Variants in SRSF6 observed in about 807,000 individuals in gnomAD.
SRSF6 encodes serine and arginine rich splicing factor 6, also known as serine/arginine-rich splicing factor 6.
Under a neutral mutation model 42.0 loss-of-function variants are expected in SRSF6, and 17 were observed. The ratio of observed to expected loss-of-function variants is 0.40; its 90% CI spans 0.28 to 0.61. The LOEUF is 0.61. SRSF6 is among the 20% of genes least tolerant of loss of function. The probability of loss-of-function intolerance (pLI) is 0.37; values close to 1 mark genes in which losing one functional copy is unlikely to be tolerated. For missense variants in SRSF6, 379 were observed against 471.4 expected, an observed-to-expected ratio of 0.80 and a Z score of 1.81; for synonymous variants, 204 against 166.7, an observed-to-expected ratio of 1.22 and a Z score of -1.72.
chr20:43,463,375 C>T lies in SRSF6; in HGVS notation c.*2312C>T, dbSNP rs1188348835. ...AGAAGAATGAGTTGATGACATGCTCCATACCAGTGGCTAGATGGAGTATTA... is the reference window on the plus strand; with the variant it reads ...AGAAGAATGAGTTGATGACATGCTCTATACCAGTGGCTAGATGGAGTATTA... On this transcript the variant is annotated 3_prime_UTR_variant, in exon 6 of 6. Transcript: ENST00000244020. 6.5e-6 allele frequency: 1 copy of T among 154,800 alleles called. No homozygotes were observed. The highest frequency in any genetic ancestry group is 1.9e-4 in the East Asian group (1 of 5,194). 9.6% of individuals were successfully genotyped at this position (154,800 alleles called of 1,614,324 possible). A position where few individuals can be genotyped will look rare whatever the true frequency, so the allele number is the denominator to read the frequency against.
In SRSF6 at chr20:43,458,474, G is replaced by A; in HGVS notation, c.221G>A (p.Arg74His). Reference sequence around the variant, plus strand: ...ATCGTAGAGCACGCCCGGGGCCCGCGTCGCGATCGCGACGGCTACAGCTAC... The same window carrying A: ...ATCGTAGAGCACGCCCGGGGCCCGCATCGCGATCGCGACGGCTACAGCTAC... ...RVIVEHARGP[R>H]RDRDGYSYGS... The change falls in exon 2 of 6, where the codon CGT (arginine) becomes CAT (histidine). Residue 74 changes from arginine to histidine, a missense_variant. By Grantham distance (29) the Arg-to-His change is conservative (BLOSUM62 0). Around this residue, in one of 3 missense-constraint regions of SRSF6, gnomAD observed 117 missense variants for 146.8 expected, o/e 0.80. Coordinates refer to ENST00000244020, the MANE Select transcript of SRSF6 (RefSeq NM_006275.6). 1 of 1,514,696 alleles carries A rather than the reference G, an allele frequency of 6.6e-7. No individual in the cohort carries two copies. Among genetic ancestry groups the A allele is most frequent in the Non-Finnish European group, 8.8e-7 (1 of 1,136,430 alleles). 93.8% of individuals were successfully genotyped at this position (1,514,696 alleles called of 1,614,324 possible).
At position 43,463,509 on chromosome 20, in the gene SRSF6, TTGAC is replaced by T. The variant is rs2017639248; in HGVS notation, c.*2448_*2451del. On this transcript the variant is annotated 3_prime_UTR_variant, in exon 6 of 6. Coordinates refer to ENST00000244020, the MANE Select transcript of SRSF6 (RefSeq NM_006275.6). ...ATGGCCAGTTTGAGTCCTGCCTACTTTGACTTTTACGTTCCCATTCCTGTGTTAC... is the reference window on the plus strand; with the variant it reads ...ATGGCCAGTTTGAGTCCTGCCTACTTTTTTACGTTCCCATTCCTGTGTTAC... 6.5e-6 allele frequency: 1 copy of T among 152,982 alleles called. No individual in the cohort carries two copies. Among genetic ancestry groups the T allele is most frequent in the Non-Finnish European group, 1.5e-5 (1 of 68,204 alleles). The allele number at this position is 152,982 out of a possible 1,614,324, so 9.5% of individuals were successfully genotyped here. A position where few individuals can be genotyped will look rare whatever the true frequency, so the allele number is the denominator to read the frequency against.
chr20:43,459,411 A>T, intron 2 of SRSF6: 1 of 1,313,692 alleles, frequency 7.6e-7, no homozygotes, highest in Non-Finnish European at 1.0e-6. Context: ...CAAAAACCTC[A>T]CACTGTGATG....
Position 43,459,899 on chromosome 20 carries a change from T to G in SRSF6, c.381+4T>G. 1 of 1,602,496 alleles carries G rather than the reference T, an allele frequency of 6.2e-7. No homozygotes were observed. The highest frequency in any genetic ancestry group is 8.5e-7 in the Non-Finnish European group (1 of 1,175,298). The stretch of plus-strand genomic sequence containing the variant: ...GTGCAGTTGGCAAGATTTAAAGGTA[T>G]GTTTTGTAATTCAAGATAGAAATGA... On this transcript the variant is annotated splice_donor_region_variant and intron_variant, in intron 3 of 5. Coordinates refer to ENST00000244020, the MANE Select transcript of SRSF6 (RefSeq NM_006275.6).
rs1202830863 is a variant in SRSF6, at chr20:43,463,368, C to T, written c.*2305C>T. On this transcript the variant is annotated 3_prime_UTR_variant, in exon 6 of 6. Transcript: ENST00000244020. Reference sequence around the variant, plus strand: ...GCTTGTGAGAAGAATGAGTTGATGACATGCTCCATACCAGTGGCTAGATGG... The same window carrying T: ...GCTTGTGAGAAGAATGAGTTGATGATATGCTCCATACCAGTGGCTAGATGG... 2.6e-5 allele frequency: 4 copies of T among 154,860 alleles called. No individual in the cohort carries two copies. Among genetic ancestry groups the T allele is most frequent in the Middle Eastern group, 1.0e-3 (2 of 1,948 alleles). 9.6% of individuals were successfully genotyped at this position (154,860 alleles called of 1,614,324 possible). A position where few individuals can be genotyped will look rare whatever the true frequency, so the allele number is the denominator to read the frequency against.
chr20:43,458,477 G>A lies in SRSF6; in HGVS notation c.224G>A (p.Arg75His). 6.6e-7 allele frequency: 1 copy of A among 1,513,116 alleles called. No individual in the cohort carries two copies. 93.7% of individuals were successfully genotyped at this position (1,513,116 alleles called of 1,614,324 possible). A position where few individuals can be genotyped will look rare whatever the true frequency, so the allele number is the denominator to read the frequency against. ...GTAGAGCACGCCCGGGGCCCGCGTC[G>A]CGATCGCGACGGCTACAGCTACGGA... is the stretch of plus-strand genomic sequence containing the variant. ...VIVEHARGPR[R>H]DRDGYSYGSR... The change falls in exon 2 of 6, where the codon CGC (arginine) becomes CAC (histidine). Residue 75 changes from arginine (R) to histidine (H), a missense_variant. Coordinates refer to ENST00000244020, the MANE Select transcript of SRSF6 (RefSeq NM_006275.6).
At chr20:43,460,644 T>G in intron 5 of SRSF6, 46 bp downstream of exon 5, 1 of 1,613,360 alleles carries the variant, frequency 6.2e-7, no homozygotes, top group Non-Finnish European at 8.5e-7. Context: ...CCGTACTTGT[T>G]TATGGAGTAT....
intron 2 of SRSF6, among the ~76,000 whole-genome samples, chr20:43,458,837 A>G (rs1024268334): frequency 8.5e-6 from 1 of 118,134 alleles, no homozygotes; most frequent in Non-Finnish European, 1.6e-5. Context: ...CTATCAGTGC[A>G]TTAGTTAGAG....
intron 5 of SRSF6, 34 bp from the exon 6 acceptor site, chr20:43,460,669 T>C (rs1026391996): frequency 5.1e-5 from 82 of 1,612,208 alleles, no homozygotes; most frequent in Non-Finnish European, 6.6e-5. Flanking sequence ...ACATTCTCAC[T>C]AAGTATTGAG....
chr20:43,463,118 A>G lies in SRSF6; in HGVS notation c.*2055A>G, dbSNP rs2017632380. On this transcript the variant is annotated 3_prime_UTR_variant, in exon 6 of 6. Transcript: ENST00000244020. ...TCTTGTTAATAGGACATCATATGGT[A>G]ATAGACTGGTTTGACTATATTGTTA... 1 of 152,760 alleles carries G rather than the reference A, an allele frequency of 6.5e-6. No homozygotes were observed. The highest frequency in any genetic ancestry group is 2.4e-5 in the African/African-American group (1 of 41,450). 9.5% of individuals were successfully genotyped at this position (152,760 alleles called of 1,614,324 possible). A position where few individuals can be genotyped will look rare whatever the true frequency, so the allele number is the denominator to read the frequency against.
rs2017595492 is a variant in SRSF6, at chr20:43,461,369, T to TAG, written c.*306_*307insAG. 5.4e-6 allele frequency: 1 copy of TAG among 185,568 alleles called. No homozygotes were observed. Among genetic ancestry groups the TAG allele is most frequent in the Non-Finnish European group, 9.9e-6 (1 of 100,846 alleles). 11.5% of individuals were successfully genotyped at this position (185,568 alleles called of 1,614,324 possible). On this transcript the variant is annotated 3_prime_UTR_variant, in exon 6 of 6. Coordinates refer to ENST00000244020, the MANE Select transcript of SRSF6 (RefSeq NM_006275.6). ...TTTTTTTTTTTTTTTTTTTTTTTTT[T>TAG]TTTTTAGTATTTCAGCAGGATCTGC...
chr20:43,462,872 A>C lies in SRSF6; in HGVS notation c.*1809A>C, dbSNP rs1336525074. The C allele has an allele frequency of 6.6e-6, 1 of 152,656 alleles. No homozygotes were observed. The highest frequency in any genetic ancestry group is 1.5e-5 in the Non-Finnish European group (1 of 68,054). The allele number at this position is 152,656 out of a possible 1,614,324, so 9.5% of individuals were successfully genotyped here. ...TTTATTTTTCCAGCATAAACCTCAG[A>C]ATTTAAGGAAAGAAAATGATGTCTG... is the stretch of plus-strand genomic sequence containing the variant. On this transcript the variant is annotated 3_prime_UTR_variant, in exon 6 of 6. Transcript: ENST00000244020.
rs139554320 is a variant in SRSF6, at chr20:43,460,965, C to A, written c.937C>A (p.Arg313Ser). The change falls in exon 6 of 6, where the codon CGT becomes AGT. Residue 313 changes from arginine to serine, a missense_variant. Coordinates refer to ENST00000244020, the MANE Select transcript of SRSF6 (RefSeq NM_006275.6). The part of the protein sequence containing the change: ...SPLPVPPSKA[R>S]SVSPPPKRAT... ...GCTACCTGTTCCACCCTCAAAGGCC[C>A]GTTCTGTGTCCCCTCCACCAAAAAG... 6.2e-7 allele frequency: 1 copy of A among 1,614,124 alleles called. No homozygotes were observed. Among genetic ancestry groups the A allele is most frequent in the Non-Finnish European group, 8.5e-7 (1 of 1,180,026 alleles).
chr20:43,458,184 T>TGGC, intron 1 of SRSF6, 44 bp downstream of exon 1: 1 of 1,580,006 alleles, frequency 6.3e-7, no homozygotes, highest in Non-Finnish European at 8.6e-7. Context: ...CCAGGCCTGG[T>TGGC]GGCGGCGGGA....
rs1042362231 is a variant in SRSF6, at chr20:43,463,582, C to T, written c.*2519C>T. On this transcript the variant is annotated 3_prime_UTR_variant, in exon 6 of 6. Coordinates refer to ENST00000244020, the MANE Select transcript of SRSF6 (RefSeq NM_006275.6). ...TTCACCTATTTTGTGCTTTAAATCT[C>T]AATAAAATACTTACTGAGGGAAAGG... The T allele has an allele frequency of 6.5e-6, 1 of 152,684 alleles. No individual in the cohort carries two copies. Among genetic ancestry groups the T allele is most frequent in the Non-Finnish European group, 1.5e-5 (1 of 68,120 alleles). The allele number at this position is 152,684 out of a possible 1,614,324, so 9.5% of individuals were successfully genotyped here. A position where few individuals can be genotyped will look rare whatever the true frequency, so the allele number is the denominator to read the frequency against.
chr20:43,460,288 A>G, intron 4 of SRSF6, 47 bp downstream of exon 4: 5 of 1,590,458 alleles, frequency 3.1e-6, no homozygotes, highest in South Asian at 2.2e-5. Flanking sequence ...ATTTGCCAAT[A>G]AAAAGGGAGT....
At chr20:43,460,658 T>C in intron 5 of SRSF6, 45 bp from the exon 6 acceptor site, 1 of 1,612,274 alleles carries the variant, frequency 6.2e-7, no homozygotes, top group Non-Finnish European at 8.5e-7. Context: ...GGAGTATGTG[T>C]ACATTCTCAC....
intron 2 of SRSF6, among the ~76,000 whole-genome samples, chr20:43,458,798 G>A (rs2017541455): frequency 6.6e-6 from 1 of 150,408 alleles, no homozygotes; most frequent in Non-Finnish European, 1.5e-5. Flanking sequence ...GTAAGGGGTG[G>A]CTGTATTTGT....
Position 43,463,040 on chromosome 20 carries a change from T to C in SRSF6, c.*1977T>C, listed in dbSNP as rs2017630110. Reference sequence around the variant, plus strand: ...TTTTAAAAGAGGGATGGGAGGATATTACAGTAAGAAATTAGGCTTTCTAAA... The same window carrying C: ...TTTTAAAAGAGGGATGGGAGGATATCACAGTAAGAAATTAGGCTTTCTAAA... On this transcript the variant is annotated 3_prime_UTR_variant, in exon 6 of 6. Transcript: ENST00000244020. The C allele has an allele frequency of 6.6e-6, 1 of 152,322 alleles. No homozygotes were observed. The highest frequency in any genetic ancestry group is 1.5e-5 in the Non-Finnish European group (1 of 67,784). The allele number at this position is 152,322 out of a possible 1,614,324, so 9.4% of individuals were successfully genotyped here. A position where few individuals can be genotyped will look rare whatever the true frequency, so the allele number is the denominator to read the frequency against.
Sources: gnomAD v4.1 joint callset for allele counts (sites outside exome capture counted in the v4.1 genomes callset) on GRCh38, gnomAD v4.1.1 for gene constraint, gnomAD v4.1.1 regional missense constraint, MANE v1.5 for transcripts, NCBI Gene and HGNC (gene_info 2026-07-23, HGNC 2026-07-21) for gene names.